Variants in AURKC observed in about 807,000 individuals in gnomAD.
AURKC encodes aurora kinase C, also known as ARK-3.
A neutral mutation model predicts 29.2 loss-of-function variants in AURKC; 15 were observed. The ratio of observed to expected loss-of-function variants is 0.51; its 90% CI spans 0.34 to 0.79. The LOEUF (loss-of-function observed/expected upper bound fraction) is 0.79. Among genes scored for constraint, AURKC ranks in the 30% least tolerant of loss-of-function variants. AURKC has a pLI of 0.01. For synonymous variants in AURKC, 150 were observed against 149.9 expected (o/e 1.00, Z -0.01); for missense variants, 332 against 383.2 (o/e 0.87, Z 1.12).
chr19:57,233,638 T>G, intron 5 of AURKC, 30 bp downstream of exon 5: 1 of 1,613,000 alleles, frequency 6.2e-7, no homozygotes, highest in East Asian at 2.2e-5. Flanking sequence ...TAGGGTGAGT[T>G]CTGAGTACCA....
rs765154200 is a variant in AURKC at position 57,234,917 on chromosome 19, G to A, written c.618G>A (p.Leu206=). The A allele has an allele frequency of 3.7e-6, 6 of 1,614,202 alleles. No individual in the cohort carries two copies. The Admixed American group carries it at 5.0e-5, about 13-fold the overall frequency. The stretch of plus-strand genomic sequence containing the variant: ...CAATGTGTGGGACACTGGACTACTT[G>A]CCGCCAGAAATGATTGAGGGGAGAA... The part of the protein sequence containing the change: ...RKTMCGTLDY[L]PPEMIEGRTY... The change falls in exon 6 of 7, where the codon TTG becomes TTA. Residue 206 remains leucine, a synonymous_variant. Coordinates refer to ENST00000302804, the MANE Select transcript of AURKC (RefSeq NM_001015878.2).
chr19:57,231,353 G>A (rs746303923), intron 1 of AURKC, 47 bp downstream of exon 1: 1 of 1,548,166 alleles, frequency 6.5e-7, no homozygotes, highest in South Asian at 1.2e-5. Flanking sequence ...CTGGGGACTG[G>A]GCCAGGGGTC....
chr19:57,234,280 T>G (rs1213774276), intron 5 of AURKC, among the ~76,000 whole-genome samples: 1 of 152,094 alleles, frequency 6.6e-6, no homozygotes, highest in Non-Finnish European at 1.5e-5. Flanking sequence ...GGTCTCCAAC[T>G]CCTGACCTCA....
Position 57,231,761 on chromosome 19 carries a change from A to T in AURKC, c.78A>T (p.Thr26=), listed in dbSNP as rs905218262. Residue 26 remains threonine (T), a synonymous_variant, in exon 2 of 7, where the codon ACA becomes ACT. Coordinates refer to ENST00000302804, the MANE Select transcript of AURKC (RefSeq NM_001015878.2). ...TTTCAGTGGCTACAGCAAACCAAACAGCCCAGCAGCCCAGCAGCCCAGCCA... is the reference window on the plus strand; with the variant it reads ...TTTCAGTGGCTACAGCAAACCAAACTGCCCAGCAGCCCAGCAGCCCAGCCA... ...AGEELATANQ[T]AQQPSSPAMR... The T allele has an allele frequency of 6.2e-7, 1 of 1,612,874 alleles. No homozygotes were observed. The highest frequency in any genetic ancestry group is 8.5e-7 in the Non-Finnish European group (1 of 1,179,508).
intron 4 of AURKC, 103 bp from the exon 5 acceptor site, chr19:57,233,356 CA>C: frequency 6.4e-7 from 1 of 1,552,330 alleles, no homozygotes; most frequent in Non-Finnish European, 8.9e-7. Flanking sequence ...GTTACTGGAC[CA>C]AAAAGATTCC....
chr19:57,233,404 C>G, intron 4 of AURKC, 56 bp from the exon 5 acceptor site: 1 of 1,612,944 alleles, frequency 6.2e-7, no homozygotes, highest in Non-Finnish European at 8.5e-7. Flanking sequence ...TGTTCCACCT[C>G]AGACGGAAAT....
intron 6 of AURKC, 79 bp downstream of exon 6, chr19:57,235,137 G>A: frequency 6.2e-7 from 1 of 1,605,470 alleles, no homozygotes; most frequent in Non-Finnish European, 8.5e-7. Context: ...ACACACACAG[G>A]GTTGTCTTCT....
In AURKC at chr19:57,231,837, G is replaced by A. The variant is rs919767162; in HGVS notation, c.104+50G>A. On this transcript the variant is annotated intron_variant, in intron 2 of 6. Transcript: ENST00000302804. ...GGAAAAGGAAGGAAGGTGGGACGTG[G>A]GGATGAAGAACAGACTGGGTGTGTG... 3 of 1,614,090 alleles carry A rather than the reference G, an allele frequency of 1.9e-6. No individual in the cohort carries two copies. The Admixed American group carries it at 5.0e-5, about 27-fold the overall frequency.
rs1413121127 is a variant in AURKC, at chr19:57,231,077, G to T, written c.-172G>T. ...CCGCGCAGCCACGGCTGCTCACGACGCCGCGGATCCCGAAGCCTGTGTAGC... is the reference window on the plus strand; with the variant it reads ...CCGCGCAGCCACGGCTGCTCACGACTCCGCGGATCCCGAAGCCTGTGTAGC... On this transcript the variant is annotated 5_prime_UTR_variant, in exon 1 of 7. Coordinates refer to ENST00000302804, the MANE Select transcript of AURKC (RefSeq NM_001015878.2). 1.7e-5 allele frequency: 25 copies of T among 1,476,478 alleles called. No individual in the cohort carries two copies. Among genetic ancestry groups the T allele is most frequent in the Non-Finnish European group, 2.2e-5 (24 of 1,077,636 alleles). 91.5% of individuals were successfully genotyped at this position (1,476,478 alleles called of 1,614,324 possible).
chr19:57,231,045 A>C lies in AURKC; in HGVS notation c.-204A>C. The C allele has an allele frequency of 7.8e-7, 1 of 1,280,478 alleles. No individual in the cohort carries two copies. Among genetic ancestry groups the C allele is most frequent in the Non-Finnish European group, 1.1e-6 (1 of 898,766 alleles). 79.3% of individuals were successfully genotyped at this position (1,280,478 alleles called of 1,614,324 possible). A position where few individuals can be genotyped will look rare whatever the true frequency, so the allele number is the denominator to read the frequency against. On this transcript the variant is annotated 5_prime_UTR_variant, in exon 1 of 7. Transcript: ENST00000302804. Reference sequence around the variant, plus strand: ...TCTGAGCGGTTGGTGCCGGGTATAAAAGAAGGCCGCGCAGCCACGGCTGCT... The same window carrying C: ...TCTGAGCGGTTGGTGCCGGGTATAACAGAAGGCCGCGCAGCCACGGCTGCT...
At position 57,231,165 on chromosome 19, in the gene AURKC, C is replaced by A. The variant is rs552823754; in HGVS notation, c.-84C>A. ...GGAAGCGCCCCGGCCAGAAAGTGAC[C>A]CCCCACCCCTTTCAGGACCCTGTGA... On this transcript the variant is annotated 5_prime_UTR_variant, in exon 1 of 7. Coordinates refer to ENST00000302804, the MANE Select transcript of AURKC (RefSeq NM_001015878.2). 2 of 1,551,068 alleles carry A rather than the reference C, an allele frequency of 1.3e-6. No individual in the cohort carries two copies. The highest frequency in any genetic ancestry group is 2.0e-5 in the Admixed American group (1 of 50,972).
intron 5 of AURKC, among the ~76,000 whole-genome samples, chr19:57,234,154 T>G (rs1050259790): frequency 2.7e-5 from 4 of 148,690 alleles, no homozygotes; most frequent in African/African-American, 1.0e-4. Flanking sequence ...CCCTCCCAGG[T>G]TCAAGCGATT....
rs2087529769 is a variant in AURKC at position 57,234,799 on chromosome 19, A to G, written c.585-85A>G. ...CTTTCCAGGGTGTCCTAGGGTCTCC[A>G]CATCTCAATGAAAGCTGGGGAAGGA... On this transcript the variant is annotated intron_variant, in intron 5 of 6. Transcript: ENST00000302804. 3 of 1,545,830 alleles carry G rather than the reference A, an allele frequency of 1.9e-6. No individual in the cohort carries two copies. In the South Asian group the frequency reaches 3.4e-5, roughly 18 times the overall value.
chr19:57,231,849 A>C, intron 2 of AURKC, 62 bp downstream of exon 2: 3 of 1,613,916 alleles, frequency 1.9e-6, no homozygotes, highest in Non-Finnish European at 1.7e-6. Context: ...GATGAAGAAC[A>C]GACTGGGTGT....
intron 5 of AURKC, among the ~76,000 whole-genome samples, chr19:57,234,057 T>G (rs1353547612): frequency 1.4e-5 from 1 of 71,022 alleles, no homozygotes; most frequent in Non-Finnish European, 3.0e-5. Flanking sequence ...TCTTTTCTTT[T>G]TTTTTTTTTT....
chr19:57,235,286 C>G lies in AURKC; in HGVS notation c.799C>G (p.Arg267Gly). The G allele has an allele frequency of 6.2e-7, 1 of 1,614,168 alleles. No individual in the cohort carries two copies. The change falls in exon 7 of 7, where the codon CGG (arginine) becomes GGG (glycine). Residue 267 changes from arginine (R) to glycine (G), a missense_variant. By Grantham distance (125) the Arg-to-Gly change is moderately radical (BLOSUM62 -2). Coordinates refer to ENST00000302804, the MANE Select transcript of AURKC (RefSeq NM_001015878.2). Reference sequence around the variant, plus strand: ...TCCACTATCAATGCCTCTGGGGGCCCGGGACTTGATTTCCAGGCTTCTCAG... The same window carrying G: ...TCCACTATCAATGCCTCTGGGGGCCGGGGACTTGATTTCCAGGCTTCTCAG... Reference protein sequence around the residue: ...RFPLSMPLGARDLISRLLRYQ... With the variant: ...RFPLSMPLGAGDLISRLLRYQ...
chr19:57,231,222 G>GCGT lies in AURKC; in HGVS notation c.-25_-23dup, dbSNP rs1568483284. The GCGT allele has an allele frequency of 1.3e-6, 2 of 1,551,704 alleles. No individual in the cohort carries two copies. The highest frequency in any genetic ancestry group is 4.9e-5 in the East Asian group (2 of 40,908). ...ACAGCCATCCAGAGGGTTCAGGAAG[G>GCGT]CGTCCGCGCCCTCACCTCTTCTCCC... On this transcript the variant is annotated 5_prime_UTR_variant, in exon 1 of 7. Coordinates refer to ENST00000302804, the MANE Select transcript of AURKC (RefSeq NM_001015878.2).
chr19:57,231,105 T>A lies in AURKC; in HGVS notation c.-144T>A, dbSNP rs1446661041. 4 of 1,527,790 alleles carry A rather than the reference T, an allele frequency of 2.6e-6. No individual in the cohort carries two copies. The East Asian group carries it at 9.8e-5, about 37-fold the overall frequency. 94.6% of individuals were successfully genotyped at this position (1,527,790 alleles called of 1,614,324 possible). ...GCGGATCCCGAAGCCTGTGTAGCAG[T>A]GAGACATCAGTGAGGCTGCAGGACG... On this transcript the variant is annotated 5_prime_UTR_variant, in exon 1 of 7. Coordinates refer to ENST00000302804, the MANE Select transcript of AURKC (RefSeq NM_001015878.2).
chr19:57,231,797 T>A lies in AURKC; in HGVS notation c.104+10T>A, dbSNP rs773511679. 5.6e-6 allele frequency: 9 copies of A among 1,613,916 alleles called. No homozygotes were observed. The South Asian group carries it at 9.9e-5, about 18-fold the overall frequency. ...CCAGCAGCCCAGCCATGTGAGTCCC[T>A]TGGGATTGGTATCTGGAAAAGGAAG... On this transcript the variant is annotated intron_variant, in intron 2 of 6. Transcript: ENST00000302804.
Sources: gnomAD v4.1 joint callset for allele counts (sites outside exome capture counted in the v4.1 genomes callset) on GRCh38, gnomAD v4.1.1 for gene constraint, MANE v1.5 for transcripts, NCBI Gene and HGNC (gene_info 2026-07-23, HGNC 2026-07-21) for gene names.